SETMAR: variants seen among roughly 807,000 people sequenced by gnomAD.
SETMAR encodes the protein SET and mariner transposase domain methyltransferase, also known as histone-lysine N-methyltransferase SETMAR.
Under a neutral mutation model 58.4 loss-of-function variants are expected in SETMAR, and 44 were observed. That is an observed-to-expected ratio of 0.75 (90% CI 0.59 to 0.97). The LOEUF (loss-of-function observed/expected upper bound fraction) is 0.97. Among genes scored for constraint, SETMAR ranks in the 50% least tolerant of loss-of-function variants. SETMAR has a pLI of 0.00. For synonymous variants in SETMAR, 332 were observed against 307.4 expected, an observed-to-expected ratio of 1.08 and a Z score of -0.84; for missense variants, 903 against 840.2, an observed-to-expected ratio of 1.07 and a Z score of -0.92.
chr3:4,305,195 T>C (rs1165339954), intron 1 of SETMAR, among the ~76,000 whole-genome samples: 1 of 152,020 alleles, frequency 6.6e-6, no homozygotes, highest in Non-Finnish European at 1.5e-5. Context: ...AAGCGATTCT[T>C]CCACCTCAGC....
chr3:4,304,082 C>T (rs13099918), intron 1 of SETMAR: 60,625 of 189,724 alleles, frequency 0.32, 11,669 homozygotes, highest in Non-Finnish European at 0.42. Flanking sequence ...ATACACTTTC[C>T]GGTTTGCTGT....
Position 4,313,032 on chromosome 3 carries a change from T to C in SETMAR, c.291T>C (p.Asp97=), listed in dbSNP as rs775197318. The part of the protein sequence containing the change: ...CSCLRHGENY[D]DNSCLRDIGS... ...GTCTCCGCCATGGAGAGAACTATGA[T>C]GATAACTCATGCCTTAGAGATATAG... The change falls in exon 2 of 3, where the codon GAT becomes GAC. Residue 97 remains aspartate (D), a synonymous_variant. Coordinates refer to ENST00000358065, the MANE Select transcript of SETMAR (RefSeq NM_006515.4). The C allele has an allele frequency of 9.1e-5, 147 of 1,613,872 alleles. No homozygotes were observed. The highest frequency in any genetic ancestry group is 1.2e-4 in the Non-Finnish European group (142 of 1,179,936).
At chr3:4,307,037 C>A (rs1211713077) in intron 1 of SETMAR, among the ~76,000 whole-genome samples, 3 of 152,206 alleles carry the variant, frequency 2.0e-5, no homozygotes, top group Non-Finnish European at 4.4e-5. Context: ...TCACAGTCTT[C>A]TAATAGCTGC....
Position 4,304,008 on chromosome 3 carries a change from G to A in SETMAR, c.156+482G>A, listed in dbSNP as rs144670849. 1.4e-3 allele frequency: 553 copies of A among 390,772 alleles called. 9 individuals are homozygous for A. In the Admixed American group the frequency reaches 0.024, roughly 17 times the overall value. 24.2% of individuals were successfully genotyped at this position (390,772 alleles called of 1,614,324 possible). ...GTAAATTAGCTGTGGCTCAGCCTTA[G>A]AGTCTTCCAGCGTACAGTGGAACAG... On this transcript the variant is annotated intron_variant, in intron 1 of 2. Coordinates refer to ENST00000358065, the MANE Select transcript of SETMAR (RefSeq NM_006515.4).
At chr3:4,310,291 T>G (rs1051378653) in intron 1 of SETMAR, among the ~76,000 whole-genome samples, 1 of 152,216 alleles carries the variant, frequency 6.6e-6, no homozygotes, top group Non-Finnish European at 1.5e-5. Flanking sequence ...CTTTTCAATA[T>G]GTAAATACCT....
chr3:4,312,736 G>A (rs1000042683), intron 1 of SETMAR, among the ~76,000 whole-genome samples, 162 bp from the exon 2 acceptor site: 4 of 149,842 alleles, frequency 2.7e-5, no homozygotes, highest in Non-Finnish European at 5.9e-5. Flanking sequence ...TTTTATTGAA[G>A]AGAGATGTTT....
chr3:4,312,834 A>T, intron 1 of SETMAR, 64 bp from the exon 2 acceptor site: 1 of 1,518,222 alleles, frequency 6.6e-7, no homozygotes, highest in South Asian at 1.4e-5. Flanking sequence ...GTCAGAAGCT[A>T]CTTGGAATAT....
At chr3:4,308,038 A>AG (rs1698259643) in intron 1 of SETMAR, among the ~76,000 whole-genome samples, 1 of 152,100 alleles carries the variant, frequency 6.6e-6, no homozygotes, top group African/African-American at 2.4e-5. Flanking sequence ...AAAAAAAAAA[A>AG]TCCCATTCTC....
Position 4,316,341 on chromosome 3 carries a change from C to T in SETMAR, c.1150C>T (p.Arg384Cys), listed in dbSNP as rs1405944924. The T allele has an allele frequency of 4.9e-6, 7 of 1,442,156 alleles. No individual in the cohort carries two copies. Among genetic ancestry groups the T allele is most frequent in the South Asian group, 2.4e-5 (2 of 82,070 alleles). 89.3% of individuals were successfully genotyped at this position (1,442,156 alleles called of 1,614,324 possible). ...NAFGPGTANE[R>C]TVQWWFKKFC... The stretch of plus-strand genomic sequence containing the variant: ...ATTTGGCCCAGGAACTGCTAACGAA[C>T]GTACAGTGCAGTGGTGGTTCAAGAA... Residue 384 changes from arginine to cysteine, a missense_variant, in exon 3 of 3, where the codon CGT becomes TGT. Coordinates refer to ENST00000358065, the MANE Select transcript of SETMAR (RefSeq NM_006515.4).
Position 4,317,262 on chromosome 3 carries a change from C to G in SETMAR, c.*16C>G. 6.7e-7 allele frequency: 1 copy of G among 1,496,056 alleles called. No individual in the cohort carries two copies. Among genetic ancestry groups the G allele is most frequent in the Non-Finnish European group, 9.0e-7 (1 of 1,116,288 alleles). 92.7% of individuals were successfully genotyped at this position (1,496,056 alleles called of 1,614,324 possible). On this transcript the variant is annotated 3_prime_UTR_variant, in exon 3 of 3. Coordinates refer to ENST00000358065, the MANE Select transcript of SETMAR (RefSeq NM_006515.4). ...TTTTGATTAATAAAAATGCGTTGAG[C>G]CTAGTTATAATGATTTAAAATTCAC...
In SETMAR at chr3:4,313,771, T is replaced by C. The variant is rs766839621; in HGVS notation, c.1020+10T>C. 1.1e-5 allele frequency: 18 copies of C among 1,613,882 alleles called. No individual in the cohort carries two copies. In the Middle Eastern group the frequency reaches 8.2e-4, roughly 74 times the overall value. On this transcript the variant is annotated intron_variant, in intron 2 of 2. Coordinates refer to ENST00000358065, the MANE Select transcript of SETMAR (RefSeq NM_006515.4). ...GCGATTGACCCTTGAGGTGAGTCTG[T>C]TCAGTGATAAGCAGCTTGCCCCTCC...
At chr3:4,303,860 C>G in intron 1 of SETMAR, 1 of 1,315,858 alleles carries the variant, frequency 7.6e-7, no homozygotes, top group Non-Finnish European at 1.0e-6. Flanking sequence ...TCTCAGGTGT[C>G]TCTCACAGGT....
intron 1 of SETMAR, among the ~76,000 whole-genome samples, chr3:4,305,382 G>A (rs1021751334): frequency 3.3e-5 from 5 of 152,226 alleles, no homozygotes; most frequent in South Asian, 2.1e-4. Context: ...CACCGCACCC[G>A]GCCATGTAGA....
intron 1 of SETMAR, chr3:4,303,795 G>A: frequency 7.1e-7 from 1 of 1,417,488 alleles, no homozygotes; most frequent in Non-Finnish European, 9.4e-7. Context: ...TTTTTGTCCA[G>A]TCCTGTCCTC....
Position 4,317,150 on chromosome 3 carries a change from C to T in SETMAR, c.1959C>T (p.Val653=), listed in dbSNP as rs370552354. ...CAGAAAATGCTTTCCAAGAGTTCGT[C>T]GAATCCCAAAGCACGGATTTTTACG... The part of the protein sequence containing the change: ...QDAENAFQEF[V]ESQSTDFYAT... Residue 653 remains valine (V), a synonymous_variant, in exon 3 of 3, where the codon GTC becomes GTT. Transcript: ENST00000358065. 8 of 1,548,036 alleles carry T rather than the reference C, an allele frequency of 5.2e-6. No individual in the cohort carries two copies. Among genetic ancestry groups the T allele is most frequent in the African/African-American group, 2.7e-5 (2 of 72,918 alleles).
At chr3:4,313,985 C>A in intron 2 of SETMAR, 1 of 803,128 alleles carries the variant, frequency 1.2e-6, no homozygotes. Flanking sequence ...GTCTTAGTGA[C>A]TGTTCTAGTT....
chr3:4,305,013 G>C (rs1379785351), intron 1 of SETMAR, among the ~76,000 whole-genome samples: 2 of 151,982 alleles, frequency 1.3e-5, no homozygotes, highest in African/African-American at 2.4e-5. Flanking sequence ...TAATTTTTCT[G>C]GTTAACAATT....
chr3:4,308,729 A>C (rs1401973437), intron 1 of SETMAR, among the ~76,000 whole-genome samples: 2 of 152,230 alleles, frequency 1.3e-5, no homozygotes, highest in Non-Finnish European at 2.9e-5. Context: ...TCAAGACCAT[A>C]GTCACAGAGT....
At position 4,316,787 on chromosome 3, in the gene SETMAR, G is replaced by A. The variant is rs1240574031; in HGVS notation, c.1596G>A (p.Met532Ile). 1.1e-5 allele frequency: 17 copies of A among 1,550,588 alleles called. No homozygotes were observed. The highest frequency in any genetic ancestry group is 2.7e-5 in the African/African-American group (2 of 72,976). ...CAATCTTGCACCCAAAAAAGGTCAT[G>A]GTCACTATTTGGTGGTCTGCTGCTG... ...PKPILHPKKV[M>I]VTIWWSAAGL... The change falls in exon 3 of 3, where the codon ATG (methionine) becomes ATA (isoleucine). Residue 532 changes from methionine (M) to isoleucine (I), a missense_variant. Coordinates refer to ENST00000358065, the MANE Select transcript of SETMAR (RefSeq NM_006515.4).
Sources: gnomAD v4.1 joint callset for allele counts (sites outside exome capture counted in the v4.1 genomes callset) on GRCh38, gnomAD v4.1.1 for gene constraint, MANE v1.5 for transcripts, NCBI Gene and HGNC (gene_info 2026-07-23, HGNC 2026-07-21) for gene names.